Variants in MAP3K13 observed in about 807,000 individuals in gnomAD.
The protein encoded by MAP3K13 is leucine zipper-bearing kinase.
MAP3K13 carries 52 observed loss-of-function variants against 104.0 expected under a neutral mutation model. That is an observed-to-expected ratio of 0.50 (90% confidence interval 0.40 to 0.63). The LOEUF is 0.63. Ranked by LOEUF, MAP3K13 falls within the 20% of genes least tolerant of loss-of-function variation. The probability of loss-of-function intolerance (pLI) is 0.00; values close to 1 mark genes in which losing one functional copy is unlikely to be tolerated. For synonymous variants in MAP3K13, 394 were observed against 442.2 expected (o/e 0.89, Z 1.37); for missense variants, 914 against 1,218.5 (o/e 0.75, Z 3.72).
At chr3:185,414,059 G>A (rs1306191958) in intron 1 of MAP3K13, among the ~76,000 whole-genome samples, 1 of 152,058 alleles carries the variant, frequency 6.6e-6, no homozygotes, top group Non-Finnish European at 1.5e-5. Context: ...GTGGTTAAGG[G>A]CTCAGGCTCT....
In MAP3K13 at chr3:185,292,936, T is replaced by G. The variant is rs150976798; in HGVS notation, c.-86+7293T>G. 223 of 984,440 alleles carry G rather than the reference T, an allele frequency of 2.3e-4. No individual in the cohort carries two copies. In the African/African-American group the frequency reaches 3.4e-3, roughly 15 times the overall value. The allele number at this position is 984,440 out of a possible 1,614,324, so 61.0% of individuals were successfully genotyped here. The stretch of plus-strand genomic sequence containing the variant: ...TACTAAAATGTGACCCTCATTTTTC[T>G]TTACATGAAAGAACATAGAATATTT... On this transcript the variant is annotated intron_variant, in intron 2 of 14. Coordinates refer to the MAP3K13 transcript ENST00000424227.
intron 3 of MAP3K13, among the ~76,000 whole-genome samples, chr3:185,438,679 G>C (rs1448856451): frequency 6.6e-6 from 1 of 152,194 alleles, no homozygotes; most frequent in Non-Finnish European, 1.5e-5. Context: ...TTTAAAGGGT[G>C]GAAGTGCTGA....
chr3:185,354,872 T>C (rs1042933201), intron 2 of MAP3K13, among the ~76,000 whole-genome samples: 1 of 152,142 alleles, frequency 6.6e-6, no homozygotes, highest in African/African-American at 2.4e-5. Flanking sequence ...ATTTTACTCA[T>C]TGGATGATGA....
rs1288180919 is a variant in MAP3K13, at chr3:185,308,007, GTCTTT to G, written c.-86+22366_-86+22370del. On this transcript the variant is annotated intron_variant, in intron 2 of 14. Coordinates refer to the MAP3K13 transcript ENST00000424227. ...ATTCATAGACTTTCATTTCTTTGGG[GTCTTT>G]TTTTTTTTTTTTTTTTTTTTGAGAC... is the stretch of plus-strand genomic sequence containing the variant. Among the ~76,000 whole-genome samples the G allele has an allele frequency of 8.7e-3, 517 of 59,420 alleles. 5 individuals are homozygous for G. Among genetic ancestry groups the G allele is most frequent in the African/African-American group, 0.025 (484 of 19,634 alleles). The allele number at this position is 59,420 out of a possible 152,430, so 39.0% of individuals were successfully genotyped here. A position where few individuals can be genotyped will look rare whatever the true frequency, so the allele number is the denominator to read the frequency against.
chr3:185,411,690 G>A (rs1344385458), intron 1 of MAP3K13, among the ~76,000 whole-genome samples: 1 of 151,004 alleles, frequency 6.6e-6, no homozygotes, highest in East Asian at 2.0e-4. Flanking sequence ...TTAAAAATGT[G>A]ATTTATATGC....
At chr3:185,302,079 G>C (rs1721127260) in intron 2 of MAP3K13, among the ~76,000 whole-genome samples, 1 of 151,910 alleles carries the variant, frequency 6.6e-6, no homozygotes. Context: ...AATAATATCT[G>C]TAGGTCCCTC....
At chr3:185,467,064 TC>T in intron 10 of MAP3K13, 101 bp downstream of exon 10, 1 of 1,338,056 alleles carries the variant, frequency 7.5e-7, no homozygotes, top group South Asian at 1.3e-5. Flanking sequence ...CTTTAGCTCA[TC>T]AGATGACTGT....
chr3:185,372,551 AAC>A (rs1326950082), intron 1 of MAP3K13, among the ~76,000 whole-genome samples: 1 of 152,212 alleles, frequency 6.6e-6, no homozygotes, highest in African/African-American at 2.4e-5. Flanking sequence ...CTTCCACCAT[AAC>A]ACATTGAAAA....
intron 2 of MAP3K13, among the ~76,000 whole-genome samples, chr3:185,331,535 C>A (rs536231508): frequency 2.0e-5 from 3 of 151,722 alleles, no homozygotes; most frequent in Non-Finnish European, 2.9e-5. Context: ...TTGGTCTTTC[C>A]CTCTAGAATG....
chr3:185,362,992 C>A, upstream of MAP3K13: 2 of 653,550 alleles, frequency 3.1e-6, no homozygotes, highest in Non-Finnish European at 3.8e-6. Context: ...CTCAAGCTGC[C>A]AGTCTGTCTT....
intron 2 of MAP3K13, among the ~76,000 whole-genome samples, chr3:185,435,169 A>G (rs370840889): frequency 5.6e-4 from 79 of 140,992 alleles, no homozygotes; most frequent in African/African-American, 2.0e-3. Context: ...ATGCCTGGCT[A>G]TTTTTTTTTT....
chr3:185,383,789 G>C (rs1474478714), intron 1 of MAP3K13, among the ~76,000 whole-genome samples: 2 of 152,018 alleles, frequency 1.3e-5, no homozygotes, highest in East Asian at 3.9e-4. Flanking sequence ...AACACAAAGA[G>C]ACTAAGACAT....
intron 11 of MAP3K13, chr3:185,476,981 G>A (rs943015823): frequency 2.5e-6 from 1 of 406,622 alleles, no homozygotes; most frequent in Non-Finnish European, 4.7e-6. Flanking sequence ...TAGTGACAAT[G>A]ATTACAAGAG....
At chr3:185,464,925 C>G (rs771307078) in intron 8 of MAP3K13, among the ~76,000 whole-genome samples, 5 of 152,080 alleles carry the variant, frequency 3.3e-5, no homozygotes, top group Non-Finnish European at 5.9e-5. Flanking sequence ...TATAAGGGGA[C>G]TCATCTCATT....
At chr3:185,331,118 A>C (rs1236026934) in intron 2 of MAP3K13, among the ~76,000 whole-genome samples, 1 of 90,282 alleles carries the variant, frequency 1.1e-5, no homozygotes, top group African/African-American at 4.6e-5. Context: ...TTTGAGACGG[A>C]GTTTCACTCT....
At chr3:185,427,192 A>C (rs1714471052) in intron 1 of MAP3K13, among the ~76,000 whole-genome samples, 1 of 135,004 alleles carries the variant, frequency 7.4e-6, no homozygotes, top group African/African-American at 2.8e-5. Flanking sequence ...GTCTCTACTA[A>C]AAATACAAAA....
chr3:185,380,248 C>G (rs1724644449), intron 1 of MAP3K13, among the ~76,000 whole-genome samples: 1 of 150,338 alleles, frequency 6.7e-6, no homozygotes, highest in Non-Finnish European at 1.5e-5. Flanking sequence ...CGTGGTGGCT[C>G]AAATCTGTAA....
rs1163731053 is a variant in MAP3K13, at chr3:185,455,513, GAT to G, written c.1278+4125_1278+4126del. Among the ~76,000 whole-genome samples, 3 of 3,618 alleles carry G rather than the reference GAT, an allele frequency of 8.3e-4. 1 individual carries two copies. Among genetic ancestry groups the G allele is most frequent in the South Asian group, 9.6e-3 (1 of 104 alleles). 2.4% of individuals were successfully genotyped at this position (3,618 alleles called of 152,430 possible). On this transcript the variant is annotated intron_variant, in intron 7 of 13. Coordinates refer to ENST00000265026, the MANE Select transcript of MAP3K13 (RefSeq NM_004721.5). ...AGATATATACATGAGATATATATGA[GAT>G]ATATATGATATATATGAGATATATA...
rs1577579809 is a variant in MAP3K13, at chr3:185,454,317, T to TATATATGATATATATGAG, written c.1278+2930_1278+2931insTATATATGAGATATATGA. Among the ~76,000 whole-genome samples, 3 of 107,752 alleles carry TATATATGATATATATGAG rather than the reference T, an allele frequency of 2.8e-5. 1 individual carries two copies. The highest frequency in any genetic ancestry group is 1.1e-4 in the African/African-American group (3 of 27,464). 70.7% of individuals were successfully genotyped at this position (107,752 alleles called of 152,430 possible). A position where few individuals can be genotyped will look rare whatever the true frequency, so the allele number is the denominator to read the frequency against. Reference sequence around the variant, plus strand: ...AGATATATATCATATATATATGAGATATATATGAGATATATATGATATATA... The same window carrying TATATATGATATATATGAG: ...AGATATATATCATATATATATGAGATATATATGATATATATGAGATATATGAGATATATATGATATATA... On this transcript the variant is annotated intron_variant, in intron 7 of 13. Transcript: ENST00000265026.
Sources: gnomAD v4.1 joint callset for allele counts (sites outside exome capture counted in the v4.1 genomes callset) on GRCh38, gnomAD v4.1.1 for gene constraint, MANE v1.5 for transcripts, NCBI Gene and HGNC (gene_info 2026-07-23, HGNC 2026-07-21) for gene names.